PPP2R5D: variants seen among roughly 807,000 people sequenced by gnomAD.
PPP2R5D encodes protein phosphatase 2 regulatory subunit B'delta, also known as serine/threonine-protein phosphatase 2A 56 kDa regulatory subunit delta isoform.
A neutral mutation model predicts 79.1 loss-of-function variants in PPP2R5D; 12 were observed. The observed-to-expected ratio is 0.15, with a 90% CI of 0.10 to 0.25. The LOEUF is 0.25. Ranked by LOEUF, PPP2R5D falls within the 10% of genes least tolerant of loss-of-function variation. PPP2R5D has a pLI of 1.00. For synonymous variants in PPP2R5D, 277 were observed against 286.6 expected (o/e 0.97, Z 0.34); for missense variants, 419 against 760.2 (o/e 0.55, Z 5.28).
Position 43,010,578 on chromosome 6 carries a change from C to G in PPP2R5D, c.1481+9C>G. On this transcript the variant is annotated intron_variant, in intron 13 of 15. Transcript: ENST00000485511. This position sits in a 1 kb window ranked among gnomAD's most constrained non-coding sequence, Gnocchi z 4.7. ...AAGGCAGAGAAGCAGAAGTGAGTAT[C>G]TCTCTCCCCGGGAGACTTTCATCTT... 6.2e-7 allele frequency: 1 copy of G among 1,613,542 alleles called. No individual in the cohort carries two copies.
chr6:43,003,361 G>T (rs1341673236), intron 2 of PPP2R5D, among the ~76,000 whole-genome samples: 2 of 152,156 alleles, frequency 1.3e-5, no homozygotes, highest in African/African-American at 4.8e-5. Flanking sequence ...GGTGCAGGTT[G>T]CAGTGAGCCA....
rs188566036 is a variant in PPP2R5D, at chr6:43,002,091, G to T, written c.106-4372G>T. 2.1e-4 allele frequency among the ~76,000 whole-genome samples: 32 copies of T among 152,128 alleles called. No homozygotes were observed. The East Asian group carries it at 5.8e-3, about 28-fold the overall frequency. On this transcript the variant is annotated intron_variant, in intron 2 of 15. Transcript: ENST00000485511. ...TACTCAGCTAATAAGTGGCGAGCCA[G>T]GATTGAACCCAGGCAGGCAGTCTGG... is the stretch of plus-strand genomic sequence containing the variant.
At chr6:42,996,472 A>G (rs1771703520) in intron 2 of PPP2R5D, among the ~76,000 whole-genome samples, 1 of 151,966 alleles carries the variant, frequency 6.6e-6, no homozygotes, top group African/African-American at 2.4e-5. Flanking sequence ...TCAAAAATAA[A>G]AAAAAATAAA....
At chr6:42,993,065 G>A (rs1404096061) in intron 2 of PPP2R5D, among the ~76,000 whole-genome samples, 1 of 152,174 alleles carries the variant, frequency 6.6e-6, no homozygotes, top group African/African-American at 2.4e-5. Flanking sequence ...GGGAGGCCGA[G>A]GCGGGTGGAT....
intron 2 of PPP2R5D, among the ~76,000 whole-genome samples, chr6:42,993,906 C>T (rs1220143864): frequency 6.6e-6 from 1 of 152,146 alleles, no homozygotes; most frequent in Non-Finnish European, 1.5e-5. Context: ...CACTATGTAC[C>T]AGGCACTGTG....
At chr6:42,995,991 A>G (rs1412218186) in intron 2 of PPP2R5D, among the ~76,000 whole-genome samples, 2 of 138,762 alleles carry the variant, frequency 1.4e-5, no homozygotes, top group African/African-American at 5.2e-5. Flanking sequence ...CCTCCCGAGT[A>G]GCTGGGACTT....
rs1410172198 is a variant in PPP2R5D at position 43,010,935 on chromosome 6, G to A, written c.1609G>A (p.Glu537Lys). The A allele has an allele frequency of 1.2e-6, 2 of 1,614,052 alleles. No individual in the cohort carries two copies. The highest frequency in any genetic ancestry group is 2.7e-5 in the African/African-American group (2 of 74,914). ...GCCCCCTGTGTACTCGATGGAGACA[G>A]AGACCCCCACAGCTGAGGACATCCA... Reference protein sequence around the residue: ...PLPPVYSMETETPTAEDIQLL... With the variant: ...PLPPVYSMETKTPTAEDIQLL... Residue 537 changes from glutamate (E) to lysine (K), a missense_variant, in exon 15 of 16, where the codon GAG becomes AAG. Glu to Lys is a moderately conservative substitution (Grantham distance 56). Coordinates refer to ENST00000485511, the MANE Select transcript of PPP2R5D (RefSeq NM_006245.4). The surrounding 1 kb of genome is among the most constrained non-coding windows in gnomAD (Gnocchi z 4.7).
chr6:43,007,341 C>T lies in PPP2R5D; in HGVS notation c.633+35C>T. 5 of 1,610,348 alleles carry T rather than the reference C, an allele frequency of 3.1e-6. No homozygotes were observed. Among genetic ancestry groups the T allele is most frequent in the African/African-American group, 1.3e-5 (1 of 74,966 alleles). ...CAAGGGGGCAGATTGGCCGTGGCTGCAGGGAGTGGGGCACTTGGAGGCCTG... is the reference window on the plus strand; with the variant it reads ...CAAGGGGGCAGATTGGCCGTGGCTGTAGGGAGTGGGGCACTTGGAGGCCTG... On this transcript the variant is annotated intron_variant, in intron 5 of 15. Coordinates refer to ENST00000485511, the MANE Select transcript of PPP2R5D (RefSeq NM_006245.4). The surrounding 1 kb of genome is among the most constrained non-coding windows in gnomAD (Gnocchi z 4.5).
rs774237781 is a variant in PPP2R5D, at chr6:43,007,592, T to A, written c.726+86T>A. Reference sequence around the variant, plus strand: ...TCCCAGTGGCTCTTTCCCCTTAAGCTGAATATATTGGGTTTCATCCATGTC... The same window carrying A: ...TCCCAGTGGCTCTTTCCCCTTAAGCAGAATATATTGGGTTTCATCCATGTC... On this transcript the variant is annotated intron_variant, in intron 6 of 15. Coordinates refer to ENST00000485511, the MANE Select transcript of PPP2R5D (RefSeq NM_006245.4). The surrounding 1 kb of genome is among the most constrained non-coding windows in gnomAD (Gnocchi z 4.5). 8.6e-6 allele frequency: 11 copies of A among 1,284,508 alleles called. No homozygotes were observed. The highest frequency in any genetic ancestry group is 1.2e-5 in the South Asian group (1 of 83,702). 79.6% of individuals were successfully genotyped at this position (1,284,508 alleles called of 1,614,324 possible). A position where few individuals can be genotyped will look rare whatever the true frequency, so the allele number is the denominator to read the frequency against.
At chr6:43,005,202 T>A (rs1245571994) in intron 2 of PPP2R5D, among the ~76,000 whole-genome samples, 3 of 151,928 alleles carry the variant, frequency 2.0e-5, no homozygotes, top group East Asian at 1.9e-4. Flanking sequence ...TTTTTTTTTT[T>A]AATTTAGGAT....
At chr6:43,001,411 T>C (rs987674893) in intron 2 of PPP2R5D, among the ~76,000 whole-genome samples, 37 of 151,902 alleles carry the variant, frequency 2.4e-4, no homozygotes, top group Admixed American at 1.8e-3. Flanking sequence ...AGTGCTGGGA[T>C]TGCAGGCATG....
At position 43,006,078 on chromosome 6, in the gene PPP2R5D, C is replaced by T. The variant is rs1421343468; in HGVS notation, c.106-385C>T. Reference sequence around the variant, plus strand: ...ACTCAGAAGGCTCCTCATGTCTCTTCTTATTCCTCATGTGTCTTCTTATTC... The same window carrying T: ...ACTCAGAAGGCTCCTCATGTCTCTTTTTATTCCTCATGTGTCTTCTTATTC... On this transcript the variant is annotated intron_variant, in intron 2 of 15. Transcript: ENST00000485511. The surrounding 1 kb of genome is among the most constrained non-coding windows in gnomAD (Gnocchi z 4.7). Among the ~76,000 whole-genome samples, 1 of 152,212 alleles carries T rather than the reference C, an allele frequency of 6.6e-6. No individual in the cohort carries two copies. Among genetic ancestry groups the T allele is most frequent in the Non-Finnish European group, 1.5e-5 (1 of 68,044 alleles).
rs1297583869 is a variant in PPP2R5D, at chr6:42,998,011, TTATTTATATATATA to T, written c.105+8327_105+8340del. On this transcript the variant is annotated intron_variant, in intron 2 of 15. Transcript: ENST00000485511. The stretch of plus-strand genomic sequence containing the variant: ...TTATTTATATTTGAATATTTGGGTT[TTATTTATATATATA>T]TATATATATATATATATATATATAT... 3.7e-3 allele frequency among the ~76,000 whole-genome samples: 266 copies of T among 72,552 alleles called. 5 individuals are homozygous for T. The highest frequency in any genetic ancestry group is 0.012 in the African/African-American group (145 of 11,760). The allele number at this position is 72,552 out of a possible 152,430, so 47.6% of individuals were successfully genotyped here.
intron 2 of PPP2R5D, among the ~76,000 whole-genome samples, chr6:43,004,372 T>A (rs1031613745): frequency 1.3e-5 from 2 of 152,244 alleles, no homozygotes; most frequent in African/African-American, 2.4e-5. Context: ...TCTGTCATTA[T>A]GTAGTTTTAG....
intron 1 of PPP2R5D, among the ~76,000 whole-genome samples, chr6:42,987,172 G>C (rs1217020619): frequency 6.6e-6 from 1 of 152,170 alleles, no homozygotes; most frequent in Non-Finnish European, 1.5e-5. Context: ...TGGTCCTTTT[G>C]TGTTTGGCCT....
chr6:43,007,333 C>T lies in PPP2R5D; in HGVS notation c.633+27C>T, dbSNP rs571772935. 1.4e-4 allele frequency: 233 copies of T among 1,611,894 alleles called. 1 individual carries two copies. The South Asian group carries it at 1.9e-3, about 13-fold the overall frequency. On this transcript the variant is annotated intron_variant, in intron 5 of 15. Transcript: ENST00000485511. This position sits in a 1 kb window ranked among gnomAD's most constrained non-coding sequence, Gnocchi z 4.5. ...TACCAGGGCAAGGGGGCAGATTGGCCGTGGCTGCAGGGAGTGGGGCACTTG... is the reference window on the plus strand; with the variant it reads ...TACCAGGGCAAGGGGGCAGATTGGCTGTGGCTGCAGGGAGTGGGGCACTTG...
chr6:42,987,342 A>G (rs1399075104), intron 1 of PPP2R5D, among the ~76,000 whole-genome samples: 1 of 152,002 alleles, frequency 6.6e-6, no homozygotes, highest in Non-Finnish European at 1.5e-5. Context: ...CTCTTCCTTC[A>G]TGTTCTCCTC....
Position 43,008,430 on chromosome 6 carries a change from A to C in PPP2R5D, c.981A>C (p.Leu327=), listed in dbSNP as rs758432728. The change falls in exon 9 of 16, where the codon CTA becomes CTC. Residue 327 remains leucine, a synonymous_variant. Coordinates refer to ENST00000485511, the MANE Select transcript of PPP2R5D (RefSeq NM_006245.4). The surrounding 1 kb of genome is among the most constrained non-coding windows in gnomAD (Gnocchi z 4.2). ...ACAAGATGTTCCTCATCCGTGTCCTACTTCCCCTTCACAAGGTCAAGTCCC... is the reference window on the plus strand; with the variant it reads ...ACAAGATGTTCCTCATCCGTGTCCTCCTTCCCCTTCACAAGGTCAAGTCCC... ...EEHKMFLIRV[L]LPLHKVKSLS... is the part of the protein sequence containing the mutation. The C allele has an allele frequency of 1.2e-6, 2 of 1,614,058 alleles. No homozygotes were observed. The highest frequency in any genetic ancestry group is 3.3e-5 in the Admixed American group (2 of 60,012).
At chr6:43,005,571 G>A (rs765801896) in intron 2 of PPP2R5D, among the ~76,000 whole-genome samples, 1 of 151,540 alleles carries the variant, frequency 6.6e-6, no homozygotes, top group Non-Finnish European at 1.5e-5. Context: ...TTCCCAAAGT[G>A]TTGGGATTAC....
Sources: gnomAD v4.1 joint callset for allele counts (sites outside exome capture counted in the v4.1 genomes callset) on GRCh38, gnomAD v4.1.1 for gene constraint, Gnocchi (gnomAD v3.1) non-coding constraint, MANE v1.5 for transcripts, NCBI Gene and HGNC (gene_info 2026-07-23, HGNC 2026-07-21) for gene names.